Variants in SNTB2 observed in about 807,000 individuals in gnomAD.
SNTB2 encodes syntrophin beta 2.
Under a neutral mutation model 46.2 loss-of-function variants are expected in SNTB2, and 34 were observed. The ratio of observed to expected loss-of-function variants is 0.74; its 90% CI spans 0.56 to 0.98. The LOEUF is 0.98. Among genes scored for constraint, SNTB2 ranks in the 50% least tolerant of loss-of-function variants. The pLI, the probability that SNTB2 is intolerant of heterozygous loss-of-function variation, is 0.00. For synonymous variants in SNTB2, 290 were observed against 312.6 expected, an observed-to-expected ratio of 0.93 and a Z score of 0.76; for missense variants, 603 against 731.4, an observed-to-expected ratio of 0.82 and a Z score of 2.02.
chr16:69,205,694 A>G (rs2152290859), intron 1 of SNTB2, among the ~76,000 whole-genome samples: 1 of 151,866 alleles, frequency 6.6e-6, no homozygotes, highest in South Asian at 2.1e-4. Context: ...TTCATTAGGC[A>G]TTTCCAACCT....
chr16:69,245,635 A>C lies in SNTB2; in HGVS notation c.614A>C (p.Lys205Thr), dbSNP rs1964663181. The C allele has an allele frequency of 1.2e-6, 2 of 1,613,976 alleles. No homozygotes were observed. Among genetic ancestry groups the C allele is most frequent in the Non-Finnish European group, 8.5e-7 (1 of 1,179,984 alleles). Residue 205 changes from lysine (K) to threonine (T), a missense_variant, in exon 2 of 7, where the codon AAG becomes ACG. Transcript: ENST00000336278. ...ATCCGAGAAGTAACACCATATATCA[A>C]GAAGCCATCATTAGTATCAGATCTG... ...KFIREVTPYIKKPSLVSDLPW... is the reference protein window; with the variant it reads ...KFIREVTPYITKPSLVSDLPW...
At chr16:69,213,404 A>G (rs1964309226) in intron 1 of SNTB2, among the ~76,000 whole-genome samples, 1 of 152,176 alleles carries the variant, frequency 6.6e-6, no homozygotes, top group Admixed American at 6.6e-5. Context: ...ATTGTCCACT[A>G]CTATGAGAAT....
intron 4 of SNTB2, among the ~76,000 whole-genome samples, chr16:69,283,559 C>G (rs1298747578): frequency 1.3e-5 from 2 of 152,120 alleles, no homozygotes; most frequent in African/African-American, 4.8e-5. Flanking sequence ...ATATTTTAAG[C>G]TCTTTGGCTG....
intron 1 of SNTB2, among the ~76,000 whole-genome samples, chr16:69,219,383 A>G (rs1374436412): frequency 6.6e-6 from 1 of 152,212 alleles, no homozygotes; most frequent in African/African-American, 2.4e-5. Flanking sequence ...ATTCTAATAT[A>G]TCTCTGGAAT....
At chr16:69,285,846 G>A (rs1467650553) in intron 5 of SNTB2, among the ~76,000 whole-genome samples, 1 of 151,764 alleles carries the variant, frequency 6.6e-6, no homozygotes, top group African/African-American at 2.4e-5. Context: ...AGGCTGGAGT[G>A]CAGTGGCATG....
At chr16:69,279,808 G>C (rs1374106962) in intron 4 of SNTB2, among the ~76,000 whole-genome samples, 1 of 150,702 alleles carries the variant, frequency 6.6e-6, no homozygotes, top group Non-Finnish European at 1.5e-5. Context: ...GATTACAGGT[G>C]TGAGCCACCA....
chr16:69,222,702 C>T (rs1271558078), intron 1 of SNTB2, among the ~76,000 whole-genome samples: 1 of 151,820 alleles, frequency 6.6e-6, no homozygotes, highest in Non-Finnish European at 1.5e-5. Flanking sequence ...GACAAAAAGA[C>T]TAGAAGGAAA....
In SNTB2 at chr16:69,187,757, C is replaced by A; in HGVS notation, c.580+11C>A. 2 of 411,450 alleles carry A rather than the reference C, an allele frequency of 4.9e-6. No individual in the cohort carries two copies. The highest frequency in any genetic ancestry group is 2.0e-5 in the South Asian group (1 of 50,326). The allele number at this position is 411,450 out of a possible 1,614,324, so 25.5% of individuals were successfully genotyped here. A position where few individuals can be genotyped will look rare whatever the true frequency, so the allele number is the denominator to read the frequency against. On this transcript the variant is annotated intron_variant, in intron 1 of 6. Coordinates refer to ENST00000336278, the MANE Select transcript of SNTB2 (RefSeq NM_006750.4). Reference sequence around the variant, plus strand: ...AGGTGCTGCTGGAGGGTGAGCGGGGCCGGGCGGGAGGGTGGGCAGGCCGCG... The same window carrying A: ...AGGTGCTGCTGGAGGGTGAGCGGGGACGGGCGGGAGGGTGGGCAGGCCGCG...
At chr16:69,217,046 G>C (rs533524871) in intron 1 of SNTB2, among the ~76,000 whole-genome samples, 50 of 152,188 alleles carry the variant, frequency 3.3e-4, no homozygotes, top group South Asian at 6.2e-4. Context: ...TTAAAGTCTG[G>C]ATATCTGACA....
chr16:69,275,212 A>G (rs1026804282), intron 4 of SNTB2, among the ~76,000 whole-genome samples: 6 of 152,018 alleles, frequency 3.9e-5, no homozygotes, highest in South Asian at 2.1e-4. Flanking sequence ...AGCTAGGACT[A>G]TAGGCATAAG....
chr16:69,234,447 T>G (rs764679018), intron 1 of SNTB2, among the ~76,000 whole-genome samples: 1 of 152,248 alleles, frequency 6.6e-6, no homozygotes, highest in Non-Finnish European at 1.5e-5. Flanking sequence ...GTGAAGAGTT[T>G]ATATAACATG....
chr16:69,250,246 T>C (rs1964713408), intron 2 of SNTB2, among the ~76,000 whole-genome samples: 1 of 152,184 alleles, frequency 6.6e-6, no homozygotes, highest in African/African-American at 2.4e-5. Context: ...GCAAAAAATA[T>C]GCATAACTTT....
intron 1 of SNTB2, among the ~76,000 whole-genome samples, chr16:69,201,989 A>T (rs1964166574): frequency 6.6e-6 from 1 of 151,806 alleles, no homozygotes; most frequent in African/African-American, 2.4e-5. Flanking sequence ...TAGGGCCCTG[A>T]CTCATTCTCC....
chr16:69,187,947 C>T (rs1964010666), intron 1 of SNTB2, among the ~76,000 whole-genome samples: 1 of 152,092 alleles, frequency 6.6e-6, no homozygotes, highest in Admixed American at 6.5e-5. Context: ...GGCTTGCAGC[C>T]CCTAGGGAAG....
At chr16:69,205,353 G>A (rs1196686439) in intron 1 of SNTB2, among the ~76,000 whole-genome samples, 1 of 134,814 alleles carries the variant, frequency 7.4e-6, no homozygotes, top group Admixed American at 7.9e-5. Flanking sequence ...TATACTCTAA[G>A]TTTTAGGGTA....
chr16:69,274,268 C>T (rs990828528), intron 4 of SNTB2, among the ~76,000 whole-genome samples: 145 of 150,790 alleles, frequency 9.6e-4, no homozygotes, highest in Middle Eastern at 3.4e-3. Flanking sequence ...GCTGATACTG[C>T]ACCACTGCAC....
chr16:69,302,023 T>C lies in SNTB2; in HGVS notation c.*1099T>C, dbSNP rs1965280435. On this transcript the variant is annotated 3_prime_UTR_variant, in exon 7 of 7. Transcript: ENST00000336278. ...CGCACAAACGTCATGTTGAATTGTT[T>C]TGGGCTGCCCAAAAACAACAGGATG... 6.6e-6 allele frequency: 1 copy of C among 152,196 alleles called. No individual in the cohort carries two copies. The highest frequency in any genetic ancestry group is 2.1e-4 in the South Asian group (1 of 4,830). 9.4% of individuals were successfully genotyped at this position (152,196 alleles called of 1,614,324 possible). A position where few individuals can be genotyped will look rare whatever the true frequency, so the allele number is the denominator to read the frequency against.
intron 1 of SNTB2, among the ~76,000 whole-genome samples, chr16:69,202,602 G>A (rs1255890734): frequency 2.0e-5 from 3 of 151,672 alleles, no homozygotes; most frequent in East Asian, 1.9e-4. Flanking sequence ...TTGAGACGAC[G>A]TCTCGCTCTG....
At chr16:69,292,353 T>TA (rs1965167450) in intron 5 of SNTB2, among the ~76,000 whole-genome samples, 2 of 55,838 alleles carry the variant, frequency 3.6e-5, no homozygotes, top group African/African-American at 2.1e-4. Flanking sequence ...CACCTTATTT[T>TA]TTATATATAT....
Sources: allele counts gnomAD v4.1 joint callset (sites outside exome capture counted in the v4.1 genomes callset), GRCh38; gene constraint gnomAD v4.1.1; transcripts MANE v1.5; gene names NCBI Gene and HGNC (gene_info 2026-07-23, HGNC 2026-07-21).